AEBP2: variants seen among roughly 807,000 people sequenced by gnomAD.
The protein encoded by AEBP2 is zinc finger protein AEBP2.
In AEBP2, 10 loss-of-function variants were observed where a neutral mutation model predicts 50.8. That is an observed-to-expected ratio of 0.20 (90% CI 0.12 to 0.33). AEBP2 has a LOEUF of 0.33. AEBP2 is among the 10% of genes least tolerant of loss of function. AEBP2 has a pLI of 1.00. For synonymous variants in AEBP2, 296 were observed against 261.3 expected, an observed-to-expected ratio of 1.13 and a Z score of -1.28; for missense variants, 570 against 688.0, an observed-to-expected ratio of 0.83 and a Z score of 1.92.
chr12:19,486,475 T>G (rs1948811889), intron 3 of AEBP2, among the ~76,000 whole-genome samples: 1 of 152,110 alleles, frequency 6.6e-6, no homozygotes, highest in South Asian at 2.1e-4. Context: ...CACTGCAGCC[T>G]CAATCTCCCT....
At chr12:19,418,389 C>CTTTTTTTTT (rs372043971) in intron 1 of AEBP2, among the ~76,000 whole-genome samples, 4 of 94,928 alleles carry the variant, frequency 4.2e-5, no homozygotes, top group Non-Finnish European at 8.0e-5. Flanking sequence ...CTATGCCTGG[C>CTTTTTTTTT]TTTTTTTTTT....
At chr12:19,404,154 C>T (rs568215057) in exon 1 of AEBP2, 4 of 152,366 alleles carry the variant, frequency 2.6e-5, no homozygotes, top group Admixed American at 2.0e-4. Context: ...CACTTGGGAG[C>T]TTCTCTTAAC....
intron 1 of AEBP2, among the ~76,000 whole-genome samples, chr12:19,404,595 G>A (rs1271078468): frequency 6.6e-6 from 1 of 152,092 alleles, no homozygotes; most frequent in Non-Finnish European, 1.5e-5. Context: ...CGCTAACACC[G>A]GCTCCTATCC....
At chr12:19,472,520 T>TGTTATGAAAGTGGG (rs1438788010) in intron 2 of AEBP2, among the ~76,000 whole-genome samples, 8 of 152,204 alleles carry the variant, frequency 5.3e-5, no homozygotes, top group African/African-American at 1.9e-4. Context: ...AATGTGGATC[T>TGTTATGAAAGTGGG]GTTATGAAAG....
At position 19,440,858 on chromosome 12, in the gene AEBP2, T is replaced by C. The variant is rs556657493; in HGVS notation, c.671+488T>C. ...TGGGAGAGACCCCAGCTATCACTTTTCTCTACTTAAACAAAAAAAGGACTG... is the reference window on the plus strand; with the variant it reads ...TGGGAGAGACCCCAGCTATCACTTTCCTCTACTTAAACAAAAAAAGGACTG... On this transcript the variant is annotated intron_variant, in intron 1 of 7. Coordinates refer to ENST00000266508, the MANE Select transcript of AEBP2 (RefSeq NM_153207.5). 6.9e-5 allele frequency: 80 copies of C among 1,163,430 alleles called. No homozygotes were observed. In the Admixed American group the frequency reaches 1.3e-3, roughly 19 times the overall value. 72.1% of individuals were successfully genotyped at this position (1,163,430 alleles called of 1,614,324 possible).
At chr12:19,428,425 T>A (rs2095749700) in intron 1 of AEBP2, among the ~76,000 whole-genome samples, 1 of 152,240 alleles carries the variant, frequency 6.6e-6, no homozygotes, top group African/African-American at 2.4e-5. Context: ...TTCACCATCA[T>A]GTCTGTGTCC....
At chr12:19,478,082 T>G (rs1948676599) in intron 3 of AEBP2, among the ~76,000 whole-genome samples, 1 of 152,240 alleles carries the variant, frequency 6.6e-6, no homozygotes, top group Non-Finnish European at 1.5e-5. Flanking sequence ...TCTTCTTTTC[T>G]TGGTTAGTTT....
At chr12:19,510,683 CT>C (rs1279221190) in intron 5 of AEBP2, among the ~76,000 whole-genome samples, 1 of 152,090 alleles carries the variant, frequency 6.6e-6, no homozygotes, top group Non-Finnish European at 1.5e-5. Context: ...GGTCACATTT[CT>C]TGAATAAAAC....
intron 1 of AEBP2, among the ~76,000 whole-genome samples, chr12:19,419,946 A>G (rs1296146369): frequency 2.0e-5 from 3 of 151,876 alleles, no homozygotes; most frequent in African/African-American, 7.3e-5. Flanking sequence ...ACATCAGATT[A>G]TCCTTGGTAC....
At chr12:19,494,726 A>G (rs1358396682) in intron 4 of AEBP2, among the ~76,000 whole-genome samples, 4 of 151,930 alleles carry the variant, frequency 2.6e-5, no homozygotes, top group African/African-American at 4.8e-5. Flanking sequence ...TACCTAGTCT[A>G]TTGTAACATA....
At chr12:19,503,815 C>G (rs1173122137) in intron 5 of AEBP2, among the ~76,000 whole-genome samples, 1 of 152,004 alleles carries the variant, frequency 6.6e-6, no homozygotes, top group Non-Finnish European at 1.5e-5. Flanking sequence ...AGCCACCACG[C>G]CCTACTGATA....
rs1289629609 is a variant in AEBP2, at chr12:19,462,547, T to G, written c.709T>G (p.Ser237Ala). The change falls in exon 2 of 8, where the codon TCC becomes GCC. Residue 237 changes from serine (S) to alanine (A), a missense_variant. Physicochemically the swap from Ser to Ala is moderately conservative, Grantham distance 99. This residue lies in a region of AEBP2 where 184 missense variants were observed against 351.2 expected (regional missense o/e 0.52). Coordinates refer to ENST00000266508, the MANE Select transcript of AEBP2 (RefSeq NM_153207.5). Reference protein sequence around the residue: ...STIMDVDSTISSGRSTPAMMN... With the variant: ...STIMDVDSTIASGRSTPAMMN... ...TATAATGGATGTAGACAGCACAATTTCCAGTGGGCGTTCAACTCCAGCAAT... is the reference window on the plus strand; with the variant it reads ...TATAATGGATGTAGACAGCACAATTGCCAGTGGGCGTTCAACTCCAGCAAT... 6.2e-7 allele frequency: 1 copy of G among 1,613,206 alleles called. No homozygotes were observed. Among genetic ancestry groups the G allele is most frequent in the Admixed American group, 1.7e-5 (1 of 59,902 alleles).
chr12:19,410,005 A>T (rs1283485514), intron 1 of AEBP2, among the ~76,000 whole-genome samples: 1 of 152,160 alleles, frequency 6.6e-6, no homozygotes, highest in African/African-American at 2.4e-5. Flanking sequence ...CAGGGACCTG[A>T]TTTCAACCCA....
At chr12:19,477,412 C>T (rs1385999423) in intron 3 of AEBP2, among the ~76,000 whole-genome samples, 2 of 152,124 alleles carry the variant, frequency 1.3e-5, no homozygotes, top group African/African-American at 2.4e-5. Flanking sequence ...AACTTTTCCC[C>T]GTTCAGTAGA....
At position 19,518,478 on chromosome 12, in the gene AEBP2, T is replaced by G; in HGVS notation, c.*361T>G. On this transcript the variant is annotated 3_prime_UTR_variant, in exon 8 of 8. Coordinates refer to ENST00000266508, the MANE Select transcript of AEBP2 (RefSeq NM_153207.5). ...TCTTCCCTTTAGTGATTTCAGTAGT[T>G]TATATTGGAAAGAAAAACAATTACA... is the stretch of plus-strand genomic sequence containing the variant. 1 of 1,246,972 alleles carries G rather than the reference T, an allele frequency of 8.0e-7. No individual in the cohort carries two copies. The allele number at this position is 1,246,972 out of a possible 1,614,324, so 77.2% of individuals were successfully genotyped here.
At chr12:19,511,248 A>G (rs1026958186) in intron 5 of AEBP2, among the ~76,000 whole-genome samples, 2 of 152,168 alleles carry the variant, frequency 1.3e-5, no homozygotes, top group African/African-American at 4.8e-5. Context: ...AGCACTCTAA[A>G]ATGGTATCTG....
intron 1 of AEBP2, among the ~76,000 whole-genome samples, chr12:19,442,935 A>T (rs971222796): frequency 6.6e-6 from 1 of 152,150 alleles, no homozygotes; most frequent in African/African-American, 2.4e-5. Context: ...TAACCAGTGG[A>T]AGGATAATCT....
rs1256211638 is a variant in AEBP2 at position 19,522,211 on chromosome 12, A to G, written c.*4094A>G. 1 of 152,168 alleles carries G rather than the reference A, an allele frequency of 6.6e-6. No individual in the cohort carries two copies. The highest frequency in any genetic ancestry group is 6.5e-5 in the Admixed American group (1 of 15,272). 9.4% of individuals were successfully genotyped at this position (152,168 alleles called of 1,614,324 possible). On this transcript the variant is annotated 3_prime_UTR_variant, in exon 8 of 8. Transcript: ENST00000266508. ...TGTACGTAGTTTGTTTTTAAATTAAAGAATCTTGTGACCTGGTGTAGGACA... is the reference window on the plus strand; with the variant it reads ...TGTACGTAGTTTGTTTTTAAATTAAGGAATCTTGTGACCTGGTGTAGGACA...
intron 1 of AEBP2, among the ~76,000 whole-genome samples, chr12:19,416,338 A>G (rs2095742567): frequency 6.6e-6 from 1 of 152,238 alleles, no homozygotes. Context: ...CATTACTTCC[A>G]TTTCTAAGTT....
Sources: allele counts gnomAD v4.1 joint callset (sites outside exome capture counted in the v4.1 genomes callset), GRCh38; gene constraint gnomAD v4.1.1; regional missense constraint gnomAD v4.1.1; transcripts MANE v1.5; gene names NCBI Gene and HGNC (gene_info 2026-07-23, HGNC 2026-07-21).